Variants in RBFOX1 observed in about 807,000 individuals in gnomAD.
The protein encoded by RBFOX1 is RNA binding fox-1 homolog 1, also known as RNA binding protein fox-1 homolog 1.
A neutral mutation model predicts 57.7 loss-of-function variants in RBFOX1; 8 were observed. The observed-to-expected ratio is 0.14, with a 90% CI of 0.08 to 0.25. The LOEUF is 0.25. RBFOX1 is among the 10% of genes least tolerant of loss of function. The pLI is 1.00. For missense variants in RBFOX1, 611 were observed against 548.5 expected, an observed-to-expected ratio of 1.11 and a Z score of -1.14; for synonymous variants, 326 against 222.4, an observed-to-expected ratio of 1.47 and a Z score of -4.15.
intron 4 of RBFOX1, among the ~76,000 whole-genome samples, chr16:7,197,457 A>AC (rs2087007768): frequency 1.3e-5 from 2 of 151,888 alleles, no homozygotes; most frequent in East Asian, 3.9e-4. Context: ...AAAAAAAAAA[A>AC]AAAAACATCA....
intron 1 of RBFOX1, among the ~76,000 whole-genome samples, chr16:5,401,036 A>G (rs1449159762): frequency 2.0e-5 from 3 of 152,156 alleles, no homozygotes; most frequent in Admixed American, 2.0e-4. Context: ...GTCATTAAGT[A>G]TTTTTATGAT....
At chr16:6,172,110 C>T (rs1002991161) in intron 1 of RBFOX1, among the ~76,000 whole-genome samples, 1 of 152,094 alleles carries the variant, frequency 6.6e-6, no homozygotes, top group African/African-American at 2.4e-5. Context: ...CATGAGCCAC[C>T]GAGCCCAGCT....
chr16:6,547,062 C>T (rs1326654940), intron 2 of RBFOX1, among the ~76,000 whole-genome samples: 1 of 152,180 alleles, frequency 6.6e-6, no homozygotes, highest in Non-Finnish European at 1.5e-5. Flanking sequence ...CTAGCTTTGC[C>T]TGCTGAAGCA....
intron 1 of RBFOX1, among the ~76,000 whole-genome samples, chr16:5,363,328 A>G (rs927766275): frequency 6.6e-6 from 1 of 152,150 alleles, no homozygotes; most frequent in Non-Finnish European, 1.5e-5. Context: ...TACAGGCATA[A>G]GCCACCGTGT....
At chr16:7,189,869 G>C (rs2084944555) in intron 4 of RBFOX1, among the ~76,000 whole-genome samples, 1 of 152,148 alleles carries the variant, frequency 6.6e-6, no homozygotes, top group African/African-American at 2.4e-5. Context: ...CTTTATGTCT[G>C]CAATAGGCCC....
chr16:6,515,001 A>G, intron 2 of RBFOX1, among the ~76,000 whole-genome samples: 1 of 152,154 alleles, frequency 6.6e-6, no homozygotes, highest in Non-Finnish European at 1.5e-5. Flanking sequence ...GAGAAATAAC[A>G]GTGTAGTATT....
chr16:6,719,307 C>A (rs570430248), intron 3 of RBFOX1, among the ~76,000 whole-genome samples: 21 of 152,072 alleles, frequency 1.4e-4, no homozygotes, highest in African/African-American at 4.8e-4. Context: ...AAAAAATAGC[C>A]CACTTAGACA....
intron 2 of RBFOX1, among the ~76,000 whole-genome samples, chr16:5,496,872 A>G (rs989744963): frequency 1.3e-5 from 2 of 152,206 alleles, no homozygotes; most frequent in African/African-American, 4.8e-5. Flanking sequence ...AAAGACTCCA[A>G]TCATGGATTT....
At chr16:7,242,224 C>T (rs1297791301) in intron 4 of RBFOX1, among the ~76,000 whole-genome samples, 7 of 152,084 alleles carry the variant, frequency 4.6e-5, no homozygotes, top group African/African-American at 1.4e-4. Flanking sequence ...CTAGTTTATC[C>T]CCAAAGGACT....
chr16:5,293,961 G>A (rs1351524479), intron 1 of RBFOX1, among the ~76,000 whole-genome samples: 1 of 152,224 alleles, frequency 6.6e-6, no homozygotes, highest in African/African-American at 2.4e-5. Flanking sequence ...AGGAGCAATG[G>A]CTCATGCCTG....
chr16:6,945,496 C>A (rs1165704112), intron 3 of RBFOX1, among the ~76,000 whole-genome samples: 1 of 151,500 alleles, frequency 6.6e-6, no homozygotes, highest in Non-Finnish European at 1.5e-5. Flanking sequence ...AATGGGAAAT[C>A]TAATTCTCAT....
At chr16:5,880,803 A>G (rs1420007019) in intron 4 of RBFOX1, among the ~76,000 whole-genome samples, 4 of 152,220 alleles carry the variant, frequency 2.6e-5, no homozygotes, top group African/African-American at 9.7e-5. Context: ...TAGAATCACA[A>G]AGGAAACTAT....
At chr16:7,183,646 A>G (rs1200789282) in intron 4 of RBFOX1, among the ~76,000 whole-genome samples, 2 of 152,196 alleles carry the variant, frequency 1.3e-5, no homozygotes, top group African/African-American at 4.8e-5. Flanking sequence ...AAGCAGGAAC[A>G]TGTATGAGAA....
At chr16:7,706,663 G>C (rs570983854) in intron 14 of RBFOX1, among the ~76,000 whole-genome samples, 1 of 152,092 alleles carries the variant, frequency 6.6e-6, no homozygotes, top group Non-Finnish European at 1.5e-5. Context: ...AACTCTCAAG[G>C]ATTTCAGTTT....
At chr16:7,178,100 T>G (rs760779433) in intron 4 of RBFOX1, among the ~76,000 whole-genome samples, 106 of 152,144 alleles carry the variant, frequency 7.0e-4, no homozygotes, top group Non-Finnish European at 1.2e-3. Flanking sequence ...CTGTTACAAA[T>G]AACCCCCAGG....
At chr16:6,400,941 T>A (rs1421146773) in intron 2 of RBFOX1, among the ~76,000 whole-genome samples, 1 of 152,156 alleles carries the variant, frequency 6.6e-6, no homozygotes, top group African/African-American at 2.4e-5. Flanking sequence ...TGGATTGAAA[T>A]TGGAGCTATC....
In RBFOX1 at chr16:6,971,422, G is replaced by A. The variant is rs572753214; in HGVS notation, c.-15-80635G>A. 9.2e-5 allele frequency among the ~76,000 whole-genome samples: 14 copies of A among 152,110 alleles called. 2 individuals are homozygous for A. The South Asian group carries it at 2.9e-3, about 32-fold the overall frequency. ...TGGGGAGCAGAAAGGGAAGGGTGGT[G>A]TAAGATGGGTTTGGAGGGGTTGGCA... On this transcript the variant is annotated intron_variant, in intron 3 of 15. Transcript: ENST00000550418.
rs2345609 is a variant in RBFOX1 at position 6,605,956 on chromosome 16, G to A, written c.-63-48647G>A. ...CTCTACTAAAATTACAGAAATTAGCGGAGCATGGTTGGGGGTGGGGGCAGT... is the reference window on the plus strand; with the variant it reads ...CTCTACTAAAATTACAGAAATTAGCAGAGCATGGTTGGGGGTGGGGGCAGT... On this transcript the variant is annotated intron_variant, in intron 2 of 15. Transcript: ENST00000550418. Among the ~76,000 whole-genome samples, 14 of 151,592 alleles carry A rather than the reference G, an allele frequency of 9.2e-5. No individual in the cohort carries two copies. The South Asian group carries it at 2.1e-3, about 23-fold the overall frequency.
At chr16:6,650,874 TC>T (rs2098585023) in intron 2 of RBFOX1, among the ~76,000 whole-genome samples, 1 of 151,952 alleles carries the variant, frequency 6.6e-6, no homozygotes, top group African/African-American at 2.4e-5. Flanking sequence ...CACAATGGAG[TC>T]CCTAATGTTT....
Sources: allele counts gnomAD v4.1 joint callset (sites outside exome capture counted in the v4.1 genomes callset), GRCh38; gene constraint gnomAD v4.1.1; transcripts MANE v1.5; gene names NCBI Gene and HGNC (gene_info 2026-07-23, HGNC 2026-07-21).